TMEM225B: variants seen among roughly 807,000 people sequenced by gnomAD.
The protein encoded by TMEM225B is transmembrane protein 225B.
TMEM225B carries 10 observed loss-of-function variants against 16.9 expected under a neutral mutation model. The observed-to-expected ratio is 0.59, with a 90% confidence interval of 0.36 to 1.00. TMEM225B has a LOEUF of 1.00. Among genes scored for constraint, TMEM225B ranks in the 50% least tolerant of loss-of-function variants. The probability of loss-of-function intolerance (pLI) is 0.01; values close to 1 mark genes in which losing one functional copy is unlikely to be tolerated. For missense variants in TMEM225B, 217 were observed against 267.0 expected (o/e 0.81, Z 1.30); for synonymous variants, 92 against 109.8 (o/e 0.84, Z 1.01).
At chr7:99,609,438 GT>G (rs1806147670) in intron 5 of TMEM225B, among the ~76,000 whole-genome samples, 2 of 152,022 alleles carry the variant, frequency 1.3e-5, no homozygotes, top group African/African-American at 4.8e-5. Flanking sequence ...ATCTCCATTT[GT>G]TGTCTCTTTT....
intron 1 of TMEM225B, among the ~76,000 whole-genome samples, chr7:99,599,757 C>T (rs888291438): frequency 2.0e-5 from 3 of 152,178 alleles, no homozygotes; most frequent in Non-Finnish European, 4.4e-5. Flanking sequence ...ATTGAACTGC[C>T]GGCCATTGGT....
Position 99,608,858 on chromosome 7 carries a change from T to TATATATATATAC in TMEM225B, c.493+1049_493+1050insTATATATATACA, listed in dbSNP as rs536627768. Reference sequence around the variant, plus strand: ...GTGCACGTATATATATATATATATATACACACACACATATATGTGTATATA... The same window carrying TATATATATATAC: ...GTGCACGTATATATATATATATATATATATATATATACACACACACACATATATGTGTATATA... On this transcript the variant is annotated intron_variant, in intron 5 of 5. Transcript: ENST00000431679. Among the ~76,000 whole-genome samples, 348 of 144,424 alleles carry TATATATATATAC rather than the reference T, an allele frequency of 2.4e-3. 7 individuals carry two copies. The highest frequency in any genetic ancestry group is 8.6e-3 in the African/African-American group (305 of 35,650). The allele number at this position is 144,424 out of a possible 152,430, so 94.7% of individuals were successfully genotyped here.
chr7:99,606,699 T>C, intron 3 of TMEM225B, 49 bp from the exon 4 acceptor site: 1 of 1,524,724 alleles, frequency 6.6e-7, no homozygotes, highest in Non-Finnish European at 8.8e-7. Flanking sequence ...ACTCTGACCT[T>C]TCCGGGTCAG....
chr7:99,606,446 G>A (rs918449548), intron 3 of TMEM225B, among the ~76,000 whole-genome samples: 2 of 152,188 alleles, frequency 1.3e-5, no homozygotes, highest in African/African-American at 4.8e-5. Context: ...CAGCTGGGGC[G>A]ATAGAGGGAG....
At chr7:99,606,050 A>C (rs1479594554) in intron 3 of TMEM225B, among the ~76,000 whole-genome samples, 1 of 152,236 alleles carries the variant, frequency 6.6e-6, no homozygotes, top group African/African-American at 2.4e-5. Context: ...ATTTTATCAC[A>C]AGAGTTTGAT....
In TMEM225B at chr7:99,610,381, G is replaced by T; in HGVS notation, c.494-12G>T. 1.3e-6 allele frequency: 2 copies of T among 1,534,018 alleles called. No individual in the cohort carries two copies. The highest frequency in any genetic ancestry group is 1.7e-6 in the Non-Finnish European group (2 of 1,146,376). ...TTTCTCTGACCTGACCCAAACGTTG[G>T]CTGTTCCCTAGGTACCATCTGCCTC... On this transcript the variant is annotated splice_polypyrimidine_tract_variant and intron_variant, in intron 5 of 5. Coordinates refer to ENST00000431679, the MANE Select transcript of TMEM225B (RefSeq NM_001195541.3).
chr7:99,601,485 C>G (rs1267967917), intron 2 of TMEM225B, among the ~76,000 whole-genome samples: 1 of 152,164 alleles, frequency 6.6e-6, no homozygotes, highest in Non-Finnish European at 1.5e-5. Flanking sequence ...CCCAGCTACT[C>G]AGGAGGCTGA....
At chr7:99,603,100 T>G (rs1485862986) in intron 2 of TMEM225B, among the ~76,000 whole-genome samples, 1 of 152,148 alleles carries the variant, frequency 6.6e-6, no homozygotes, top group Non-Finnish European at 1.5e-5. Flanking sequence ...ATAGGGATCC[T>G]TCACTGAGGG....
At chr7:99,610,336 T>C in intron 5 of TMEM225B, 57 bp from the exon 6 acceptor site, 1 of 1,410,424 alleles carries the variant, frequency 7.1e-7, no homozygotes, top group Admixed American at 2.0e-5. Context: ...ACCTGACCTC[T>C]AGGGCGTGGA....
chr7:99,608,734 TACACACACACACAC>T (rs35501095), intron 5 of TMEM225B, among the ~76,000 whole-genome samples: 8 of 113,714 alleles, frequency 7.0e-5, no homozygotes, highest in East Asian at 6.6e-4. Context: ...TATATATATA[TACACACACACACAC>T]ACACACACAC....
chr7:99,604,439 C>T lies in TMEM225B; in HGVS notation c.51C>T (p.Val17=), dbSNP rs1332690917. ...TGAAGGGATTCTCCTGGGCCATAGT[C>T]CCAGCCTTAACCTCCCTAGGCTACC... ...KDMKGFSWAI[V]PALTSLGYLI... Residue 17 remains valine, a synonymous_variant, in exon 3 of 6, where the codon GTC becomes GTT. Transcript: ENST00000431679. The T allele has an allele frequency of 6.5e-7, 1 of 1,535,948 alleles. No homozygotes were observed. The highest frequency in any genetic ancestry group is 8.7e-7 in the Non-Finnish European group (1 of 1,146,874).
chr7:99,606,876 T>C lies in TMEM225B; in HGVS notation c.337T>C (p.Cys113Arg). The C allele has an allele frequency of 6.5e-7, 1 of 1,536,162 alleles. No individual in the cohort carries two copies. The highest frequency in any genetic ancestry group is 8.7e-7 in the Non-Finnish European group (1 of 1,146,904). ...CTGGAAGCAAAACTTTGTGTTAGCC[T>C]GCATCAGCTTCTTCACAGGTGTGGA... ...RTWKQNFVLA[C>R]ISFFTGACAF... is the part of the protein sequence containing the mutation. Residue 113 changes from cysteine to arginine, a missense_variant, in exon 4 of 6, where the codon TGC (cysteine) becomes CGC (arginine). By Grantham distance (180) the Cys-to-Arg change is radical. Coordinates refer to ENST00000431679, the MANE Select transcript of TMEM225B (RefSeq NM_001195541.3).
Position 99,610,796 on chromosome 7 carries a change from A to C in TMEM225B, c.*231A>C. 1 of 415,866 alleles carries C rather than the reference A, an allele frequency of 2.4e-6. No individual in the cohort carries two copies. The highest frequency in any genetic ancestry group is 4.3e-6 in the Non-Finnish European group (1 of 230,040). The allele number at this position is 415,866 out of a possible 1,614,324, so 25.8% of individuals were successfully genotyped here. On this transcript the variant is annotated 3_prime_UTR_variant, in exon 6 of 6. Transcript: ENST00000431679. Reference sequence around the variant, plus strand: ...CTTCCTAAGTGACGTTTTTGCAGGTATTTTCAATAAAAAGAAGGGCTACTT... The same window carrying C: ...CTTCCTAAGTGACGTTTTTGCAGGTCTTTTCAATAAAAAGAAGGGCTACTT...
intron 3 of TMEM225B, among the ~76,000 whole-genome samples, chr7:99,605,182 T>C (rs1805700289): frequency 6.6e-6 from 1 of 152,166 alleles, no homozygotes; most frequent in African/African-American, 2.4e-5. Context: ...TTCACATGGG[T>C]CTGCATCATG....
intron 2 of TMEM225B, among the ~76,000 whole-genome samples, 195 bp downstream of exon 2, chr7:99,600,480 T>C (rs1805269435): frequency 6.6e-6 from 1 of 152,120 alleles, no homozygotes; most frequent in South Asian, 2.1e-4. Flanking sequence ...CAAGACTGGG[T>C]AACTTATAAA....
chr7:99,603,525 C>G (rs1805528128), intron 2 of TMEM225B, among the ~76,000 whole-genome samples: 1 of 152,020 alleles, frequency 6.6e-6, no homozygotes, highest in African/African-American at 2.4e-5. Context: ...AACGCTGTCT[C>G]TACTAAAAAT....
chr7:99,610,068 A>G (rs1442103293), intron 5 of TMEM225B, among the ~76,000 whole-genome samples: 3 of 151,948 alleles, frequency 2.0e-5, no homozygotes, highest in Non-Finnish European at 4.4e-5. Context: ...TCAGTTGTCT[A>G]TCTTTTACTT....
At chr7:99,604,345 G>A (rs1206168568) in intron 2 of TMEM225B, 41 bp from the exon 3 acceptor site, 1 of 1,408,240 alleles carries the variant, frequency 7.1e-7, no homozygotes. Context: ...GGAGAATTTG[G>A]GTCGGTGTCC....
intron 2 of TMEM225B, among the ~76,000 whole-genome samples, chr7:99,601,590 A>C (rs117979766): frequency 9.2e-5 from 14 of 152,262 alleles, no homozygotes; most frequent in Non-Finnish European, 1.6e-4. Context: ...AGAAGGGAAT[A>C]ATTCAATTTT....
Sources: gnomAD v4.1 joint callset for allele counts (sites outside exome capture counted in the v4.1 genomes callset) on GRCh38, gnomAD v4.1.1 for gene constraint, MANE v1.5 for transcripts, NCBI Gene and HGNC (gene_info 2026-07-23, HGNC 2026-07-21) for gene names.